Variants in CCDC57 observed in about 807,000 individuals in gnomAD.
The protein encoded by CCDC57 is coiled-coil domain containing 57, also known as coiled-coil domain-containing protein 57.
A neutral mutation model predicts 118.9 loss-of-function variants in CCDC57; 118 were observed. The ratio of observed to expected loss-of-function variants is 0.99; its 90% CI spans 0.86 to 1.16. The LOEUF (loss-of-function observed/expected upper bound fraction) is 1.16. CCDC57 is among the 50% of genes most tolerant of loss of function. CCDC57 has a pLI of 0.00. For missense variants in CCDC57, 1,300 were observed against 1,320.7 expected (o/e 0.98, Z 0.24); for synonymous variants, 527 against 532.9 (o/e 0.99, Z 0.15).
At chr17:82,188,986 G>A (rs1171987233) in intron 7 of CCDC57, among the ~76,000 whole-genome samples, 2 of 152,226 alleles carry the variant, frequency 1.3e-5, no homozygotes, top group Non-Finnish European at 2.9e-5. Flanking sequence ...TATGTTAGCA[G>A]CCAGGCACAG....
chr17:82,158,175 T>C (rs562343285), intron 14 of CCDC57, among the ~76,000 whole-genome samples: 2 of 152,310 alleles, frequency 1.3e-5, no homozygotes, highest in East Asian at 3.9e-4. Flanking sequence ...TGTGCCCTGC[T>C]CTGGACTCCT....
At chr17:82,133,450 A>C (rs1484770009) in intron 17 of CCDC57, among the ~76,000 whole-genome samples, 5 of 151,172 alleles carry the variant, frequency 3.3e-5, no homozygotes, top group Non-Finnish European at 5.9e-5. Context: ...AAAAAAAAAA[A>C]AAAAATAGAA....
chr17:82,201,879 C>T, exon 3 of CCDC57: 2 of 1,612,016 alleles, frequency 1.2e-6, no homozygotes, highest in Non-Finnish European at 1.7e-6. Flanking sequence ...CCTGCAGCGC[C>T]CTCCACTCCT....
chr17:82,186,948 AG>A (rs2046996976), intron 8 of CCDC57, among the ~76,000 whole-genome samples: 8 of 151,832 alleles, frequency 5.3e-5, no homozygotes, highest in African/African-American at 1.9e-4. Context: ...TCTCAAAAAA[AG>A]AAAAAGAGGC....
intron 10 of CCDC57, 146 bp from the exon 10 acceptor site, chr17:82,178,751 T>C (rs923352076): frequency 1.2e-5 from 15 of 1,249,310 alleles, no homozygotes; most frequent in East Asian, 2.5e-5. Context: ...TTCCTGCCCA[T>C]GCATACCCCA....
intron 19 of CCDC57, among the ~76,000 whole-genome samples, chr17:82,115,605 T>C (rs1377679549): frequency 2.6e-5 from 4 of 151,544 alleles, no homozygotes; most frequent in Admixed American, 6.6e-5. Flanking sequence ...ACCCTGTCTG[T>C]ACAAAAAAAG....
chr17:82,138,542 GA>G (rs1426291421), intron 16 of CCDC57, among the ~76,000 whole-genome samples: 4 of 147,720 alleles, frequency 2.7e-5, no homozygotes, highest in Non-Finnish European at 4.5e-5. Flanking sequence ...GGTCTCTATC[GA>G]AAAAAAAAAG....
rs529944474 is a variant in CCDC57 at position 82,157,822 on chromosome 17, C to T, written c.2167G>A (p.Ala723Thr). The T allele has an allele frequency of 3.1e-6, 5 of 1,604,750 alleles. No homozygotes were observed. In the East Asian group the frequency reaches 1.1e-4, roughly 36 times the overall value. Residue 723 changes from alanine (A) to threonine (T), a missense_variant, in exon 15 of 20, where the codon GCC becomes ACC. By Grantham distance (58) the Ala-to-Thr change is moderately conservative. Transcript: ENST00000665763. ...GAAGGCTCCGCTCCCCCGTGCTGGG[C>T]TATCCTGAGATGCTTCCCCAGCTCA... is the stretch of plus-strand genomic sequence containing the variant.
chr17:82,111,677 G>T (rs1568138980), intron 19 of CCDC57, among the ~76,000 whole-genome samples: 1 of 152,060 alleles, frequency 6.6e-6, no homozygotes, highest in Admixed American at 6.6e-5. Context: ...TGCGATCTCG[G>T]CTCACTGCAA....
chr17:82,139,657 C>T (rs1335637507), intron 16 of CCDC57, among the ~76,000 whole-genome samples: 2 of 120,818 alleles, frequency 1.7e-5, no homozygotes, highest in African/African-American at 5.6e-5. Context: ...CGCCCAGCCC[C>T]ATCCACGATT....
intron 4 of CCDC57, among the ~76,000 whole-genome samples, chr17:82,197,100 C>T (rs2048402576): frequency 6.6e-6 from 1 of 150,966 alleles, no homozygotes; most frequent in Admixed American, 6.6e-5. Context: ...CCTGCACCTG[C>T]AGACACACAG....
rs2047748766 is a variant in CCDC57 at position 82,192,139 on chromosome 17, C to T, written c.851+1617G>A. 6.6e-6 allele frequency among the ~76,000 whole-genome samples: 1 copy of T among 152,070 alleles called. No homozygotes were observed. The highest frequency in any genetic ancestry group is 6.6e-5 in the Admixed American group (1 of 15,256). ...TAGCTGGGATTACAGGCGTGCACCA[C>T]CACGCCCGGCTAATTTTGTATTTTT... On this transcript the variant is annotated intron_variant, in intron 7 of 19. Coordinates refer to ENST00000665763, the Ensembl canonical transcript of CCDC57. This position sits in a 1 kb window ranked among gnomAD's most constrained non-coding sequence, Gnocchi z 4.0.
chr17:82,171,690 C>T lies in CCDC57; in HGVS notation c.1882+11G>A, dbSNP rs561734939. On this transcript the variant is annotated intron_variant, in intron 13 of 19. Coordinates refer to ENST00000665763, the Ensembl canonical transcript of CCDC57. ...GGGGACAGCAAGTACCCCACTGAGA[C>T]GCGGACTTACCAGTCGTCTCTGTCG... 5.2e-5 allele frequency: 84 copies of T among 1,607,454 alleles called. No individual in the cohort carries two copies. The East Asian group carries it at 9.8e-4, about 19-fold the overall frequency.
chr17:82,210,716 C>T (rs1445381306), intron 1 of CCDC57, among the ~76,000 whole-genome samples: 2 of 147,272 alleles, frequency 1.4e-5, no homozygotes, highest in Non-Finnish European at 3.0e-5. Context: ...AAAAAAAGGC[C>T]GGGCACGGTG....
At chr17:82,143,943 C>CAAAAAA (rs60893321) in intron 16 of CCDC57, among the ~76,000 whole-genome samples, 2 of 120,926 alleles carry the variant, frequency 1.7e-5, no homozygotes, top group Admixed American at 8.0e-5. Flanking sequence ...ACTAAAAATA[C>CAAAAAA]AAAAAAAAAA....
chr17:82,151,859 C>A, intron 15 of CCDC57, 86 bp from the exon 15 acceptor site: 3 of 1,178,574 alleles, frequency 2.5e-6, no homozygotes, highest in Non-Finnish European at 3.5e-6. Flanking sequence ...AGCCTCTTCA[C>A]CTGCTCTTCC....
chr17:82,201,717 G>T (rs778850349), exon 3 of CCDC57: 3 of 1,613,766 alleles, frequency 1.9e-6, no homozygotes, highest in Non-Finnish European at 2.5e-6. Flanking sequence ...GGGCGAAGGC[G>T]GCGTCATAGC....
At chr17:82,208,911 C>A (rs1449970243) in intron 1 of CCDC57, among the ~76,000 whole-genome samples, 1 of 152,166 alleles carries the variant, frequency 6.6e-6, no homozygotes, top group Non-Finnish European at 1.5e-5. Flanking sequence ...GTCTGTCACC[C>A]AGGATGGAGT....
chr17:82,200,379 C>T (rs1186423683), intron 3 of CCDC57, among the ~76,000 whole-genome samples: 2 of 152,212 alleles, frequency 1.3e-5, no homozygotes, highest in Non-Finnish European at 2.9e-5. Context: ...GATGACACAA[C>T]AGATTGCCCG....
Sources: allele counts gnomAD v4.1 joint callset (sites outside exome capture counted in the v4.1 genomes callset), GRCh38; gene constraint gnomAD v4.1.1; non-coding constraint Gnocchi (gnomAD v3.1); transcripts MANE v1.5; gene names NCBI Gene and HGNC (gene_info 2026-07-23, HGNC 2026-07-21).